The following PIAS1 variants were observed in gnomAD, a reference collection of about 807,000 sequenced individuals.
PIAS1 encodes E3 SUMO-protein ligase PIAS1.
Under a neutral mutation model 71.3 loss-of-function variants are expected in PIAS1, and 6 were observed. The ratio of observed to expected loss-of-function variants is 0.08; its 90% CI spans 0.05 to 0.17. The LOEUF (loss-of-function observed/expected upper bound fraction) is 0.17, where lower values mean the gene tolerates loss of function less well. Ranked by LOEUF, PIAS1 falls within the 10% of genes least tolerant of loss-of-function variation. The pLI is 1.00. For missense variants in PIAS1, 555 were observed against 793.6 expected (o/e 0.70, Z 3.61); for synonymous variants, 303 against 292.9 (o/e 1.03, Z -0.35).
At chr15:68,094,492 T>G (rs1320141012) in intron 2 of PIAS1, among the ~76,000 whole-genome samples, 1 of 152,120 alleles carries the variant, frequency 6.6e-6, no homozygotes, top group African/African-American at 2.4e-5. Flanking sequence ...GGGTAAGGTT[T>G]CTGCTACATC....
rs1467511746 is a variant in PIAS1, at chr15:68,167,377, AAG to A, written c.1008+2577_1008+2578del. Among the ~76,000 whole-genome samples the A allele has an allele frequency of 6.6e-6, 1 of 152,236 alleles. No individual in the cohort carries two copies. Among genetic ancestry groups the A allele is most frequent in the African/African-American group, 2.4e-5 (1 of 41,456 alleles). Reference sequence around the variant, plus strand: ...ATATATCAAATTTATGGGATAATAAAAGAGATTTGTGCTCTTTGAAATATGTA... The same window carrying A: ...ATATATCAAATTTATGGGATAATAAAAGATTTGTGCTCTTTGAAATATGTA... On this transcript the variant is annotated intron_variant, in intron 8 of 13. Coordinates refer to ENST00000249636, the MANE Select transcript of PIAS1 (RefSeq NM_016166.3). The surrounding 1 kb of genome is among the most constrained non-coding windows in gnomAD (Gnocchi z 4.4).
chr15:68,184,267 C>T (rs1280509744), intron 13 of PIAS1: 3 of 152,256 alleles, frequency 2.0e-5, no homozygotes, highest in Non-Finnish European at 2.9e-5. Flanking sequence ...AGTTATTGCT[C>T]ACCAGTCAGG....
rs1454525824 is a variant in PIAS1, at chr15:68,100,898, TTG to T, written c.469+14150_469+14151del. On this transcript the variant is annotated intron_variant, in intron 2 of 13. Transcript: ENST00000249636. ...ATTGTGTTTTGTTGTTGTTTTTGTTTTGTTTTTTTTTTTTTGAGATAAGGTCT... is the reference window on the plus strand; with the variant it reads ...ATTGTGTTTTGTTGTTGTTTTTGTTTTTTTTTTTTTTTTGAGATAAGGTCT... Among the ~76,000 whole-genome samples the T allele has an allele frequency of 7.6e-4, 22 of 28,790 alleles. No individual in the cohort carries two copies. The East Asian group carries it at 0.011, about 14-fold the overall frequency. 18.9% of individuals were successfully genotyped at this position (28,790 alleles called of 152,430 possible).
At chr15:68,151,697 C>CAT (rs1595769177) in intron 6 of PIAS1, among the ~76,000 whole-genome samples, 1 of 88,120 alleles carries the variant, frequency 1.1e-5, no homozygotes, top group East Asian at 3.7e-4. Flanking sequence ...CACACACACA[C>CAT]ACACACACAC....
chr15:68,154,395 G>A (rs1277386050), intron 7 of PIAS1, among the ~76,000 whole-genome samples: 2 of 152,110 alleles, frequency 1.3e-5, no homozygotes, highest in Non-Finnish European at 2.9e-5. Flanking sequence ...TGAGAGCCGG[G>A]GGCTGCGTGG....
chr15:68,156,928 G>T (rs530339499), intron 7 of PIAS1, among the ~76,000 whole-genome samples: 1 of 152,128 alleles, frequency 6.6e-6, no homozygotes, highest in Non-Finnish European at 1.5e-5. Context: ...ATGCAGTGAG[G>T]CCAGTTGAGA....
At chr15:68,066,594 C>G (rs914549753) in intron 1 of PIAS1, among the ~76,000 whole-genome samples, 3 of 152,156 alleles carry the variant, frequency 2.0e-5, no homozygotes, top group Middle Eastern at 3.4e-3. Flanking sequence ...GAAACAGGAC[C>G]TAGAAATTGT....
At chr15:68,138,727 A>G (rs1008544250) in intron 2 of PIAS1, among the ~76,000 whole-genome samples, 1 of 152,134 alleles carries the variant, frequency 6.6e-6, no homozygotes, top group African/African-American at 2.4e-5. Flanking sequence ...TGCCCGCCTC[A>G]GTCTCCCAAA....
At chr15:68,140,527 G>A (rs191668873) in intron 2 of PIAS1, among the ~76,000 whole-genome samples, 1 of 152,098 alleles carries the variant, frequency 6.6e-6, no homozygotes, top group African/African-American at 2.4e-5. Flanking sequence ...ACTGCTCCTT[G>A]GTGATAGATT....
intron 4 of PIAS1, among the ~76,000 whole-genome samples, chr15:68,143,687 C>G (rs2092788248): frequency 6.6e-6 from 1 of 152,212 alleles, no homozygotes; most frequent in African/African-American, 2.4e-5. Context: ...CCTGCCTCAA[C>G]AGTTTACATT....
chr15:68,061,711 A>G (rs141684026), intron 1 of PIAS1, among the ~76,000 whole-genome samples: 1,649 of 152,290 alleles, frequency 0.011, 31 homozygotes, highest in African/African-American at 0.037. Flanking sequence ...TTTCACCAAA[A>G]CACTCCTTTC....
chr15:68,126,671 C>T (rs563048495), intron 2 of PIAS1, among the ~76,000 whole-genome samples: 117 of 152,150 alleles, frequency 7.7e-4, no homozygotes, highest in African/African-American at 2.7e-3. Flanking sequence ...GTGATCCACC[C>T]GCCTCAGCAT....
intron 2 of PIAS1, among the ~76,000 whole-genome samples, chr15:68,105,763 G>A (rs2092463130): frequency 6.6e-6 from 1 of 152,030 alleles, no homozygotes; most frequent in South Asian, 2.1e-4. Context: ...TTGAGCCCAG[G>A]AGTTCCAAAC....
intron 2 of PIAS1, among the ~76,000 whole-genome samples, chr15:68,092,786 CA>C (rs1201861550): frequency 1.3e-5 from 2 of 152,206 alleles, no homozygotes; most frequent in Non-Finnish European, 1.5e-5. Flanking sequence ...TAGGCCTCAC[CA>C]GACACAAAAT....
rs3083984 is a variant in PIAS1, at chr15:68,177,278, C to CAAAAAAAAAAA, written c.1481+633_1481+643dup. ...TGGGCAACAGAGCGAGACTTTGTCT[C>CAAAAAAAAAAA]AAAAAAAAAAAAAAAAAAAGAAAGA... On this transcript the variant is annotated intron_variant, in intron 11 of 13. Coordinates refer to ENST00000249636, the MANE Select transcript of PIAS1 (RefSeq NM_016166.3). Among the ~76,000 whole-genome samples, 38 of 90,816 alleles carry CAAAAAAAAAAA rather than the reference C, an allele frequency of 4.2e-4. 1 individual carries two copies. Among genetic ancestry groups the CAAAAAAAAAAA allele is most frequent in the African/African-American group, 9.7e-4 (23 of 23,738 alleles). 59.6% of individuals were successfully genotyped at this position (90,816 alleles called of 152,430 possible).
At position 68,146,620 on chromosome 15, in the gene PIAS1, A is replaced by G. The variant is rs757985548; in HGVS notation, c.748A>G (p.Ile250Val). Residue 250 changes from isoleucine (I) to valine (V), a missense_variant, in exon 6 of 14, where the codon ATT (isoleucine) becomes GTT (valine). By Grantham distance (29) the Ile-to-Val change is conservative. This residue lies in a region of PIAS1 where 134 missense variants were observed against 203.4 expected (regional missense o/e 0.66). Transcript: ENST00000249636. ...GVEPKRPSRPINITSLVRLST... is the reference protein window; with the variant it reads ...GVEPKRPSRPVNITSLVRLST... Reference sequence around the variant, plus strand: ...GGAACCAAAGCGACCCAGCCGACCAATTAATATCACCTCACTTGTCCGACT... The same window carrying G: ...GGAACCAAAGCGACCCAGCCGACCAGTTAATATCACCTCACTTGTCCGACT... The G allele has an allele frequency of 1.5e-5, 25 of 1,613,270 alleles. No individual in the cohort carries two copies. Among genetic ancestry groups the G allele is most frequent in the South Asian group, 5.5e-5 (5 of 91,060 alleles).
intron 2 of PIAS1, among the ~76,000 whole-genome samples, chr15:68,128,780 T>A (rs749475072): frequency 2.0e-5 from 3 of 152,164 alleles, no homozygotes; most frequent in Non-Finnish European, 4.4e-5. Flanking sequence ...TATCCAAAAT[T>A]AAGTCTTCAT....
At chr15:68,130,301 G>C (rs1019974243) in intron 2 of PIAS1, among the ~76,000 whole-genome samples, 3 of 151,976 alleles carry the variant, frequency 2.0e-5, no homozygotes, top group Non-Finnish European at 4.4e-5. Flanking sequence ...ACCATAGAAA[G>C]TAGATTTAAA....
intron 3 of PIAS1, 74 bp from the exon 4 acceptor site, chr15:68,142,216 G>C (rs1342411700): frequency 4.7e-5 from 60 of 1,289,264 alleles, no homozygotes; most frequent in Non-Finnish European, 6.4e-5. Context: ...CTTTTCTGGA[G>C]TAACAAGGTC....
Sources: gnomAD v4.1 joint callset for allele counts (sites outside exome capture counted in the v4.1 genomes callset) on GRCh38, gnomAD v4.1.1 for gene constraint, gnomAD v4.1.1 regional missense constraint, Gnocchi (gnomAD v3.1) non-coding constraint, MANE v1.5 for transcripts, NCBI Gene and HGNC (gene_info 2026-07-23, HGNC 2026-07-21) for gene names.